The following RB1 variants were observed in gnomAD, a reference collection of about 807,000 sequenced individuals.
RB1 encodes the protein RB transcriptional corepressor 1, also known as retinoblastoma-associated protein.
A neutral mutation model predicts 135.4 loss-of-function variants in RB1; 18 were observed. The ratio of observed to expected loss-of-function variants is 0.13; its 90% CI spans 0.09 to 0.20. The LOEUF (loss-of-function observed/expected upper bound fraction) is 0.20. Ranked by LOEUF, RB1 falls within the 10% of genes least tolerant of loss-of-function variation. The pLI is 1.00. For missense variants in RB1, 868 were observed against 1,110.0 expected (o/e 0.78, Z 3.10); for synonymous variants, 365 against 373.2 (o/e 0.98, Z 0.25).
At position 48,348,986 on chromosome 13, in the gene RB1, G is replaced by A. The variant is rs775061547; in HGVS notation, c.570G>A (p.Val190=). 3 of 1,601,204 alleles carry A rather than the reference G, an allele frequency of 1.9e-6. No individual in the cohort carries two copies. Among genetic ancestry groups the A allele is most frequent in the South Asian group, 1.1e-5 (1 of 90,066 alleles). Reference sequence around the variant, plus strand: ...CTACTGAAATAAATTCTGCATTGGTGCTAAAAGTTTCTTGGATCACATTTT... The same window carrying A: ...CTACTGAAATAAATTCTGCATTGGTACTAAAAGTTTCTTGGATCACATTTT... The part of the protein sequence containing the change: ...SISTEINSAL[V]LKVSWITFLL... The change falls in exon 6 of 27, where the codon GTG becomes GTA. Residue 190 remains valine (V), a synonymous_variant. Coordinates refer to ENST00000267163, the MANE Select transcript of RB1 (RefSeq NM_000321.3).
In RB1 at chr13:48,320,292, C is replaced by A. The variant is rs113687122; in HGVS notation, c.264+12886C>A. The A allele has an allele frequency of 6.3e-4, 768 of 1,228,472 alleles. 1 individual carries two copies. The African/African-American group carries it at 9.9e-3, about 16-fold the overall frequency. 76.1% of individuals were successfully genotyped at this position (1,228,472 alleles called of 1,614,324 possible). A position where few individuals can be genotyped will look rare whatever the true frequency, so the allele number is the denominator to read the frequency against. On this transcript the variant is annotated intron_variant, in intron 2 of 26. Coordinates refer to ENST00000267163, the MANE Select transcript of RB1 (RefSeq NM_000321.3). ...GTGCAGCGCGCTCATCGGTGGTGCCCCGAGCAACCCCGCTGCGCTGCAGCG... is the reference window on the plus strand; with the variant it reads ...GTGCAGCGCGCTCATCGGTGGTGCCACGAGCAACCCCGCTGCGCTGCAGCG...
chr13:48,461,466 C>T (rs198585), intron 20 of RB1, among the ~76,000 whole-genome samples: 152,286 of 152,294 alleles, frequency 1, 76,139 homozygotes, highest in Non-Finnish European at 1. Context: ...ATAATGTTAC[C>T]GTGAACATTC....
At chr13:48,446,593 A>G (rs1396623766) in intron 17 of RB1, among the ~76,000 whole-genome samples, 2 of 152,230 alleles carry the variant, frequency 1.3e-5, no homozygotes, top group Non-Finnish European at 2.9e-5. Flanking sequence ...CTTAGGCAAG[A>G]TGTTTAGACA....
intron 26 of RB1, among the ~76,000 whole-genome samples, chr13:48,478,320 T>A (rs963834590): frequency 1.3e-5 from 2 of 152,190 alleles, no homozygotes; most frequent in African/African-American, 4.8e-5. Flanking sequence ...AAAGTGTAAT[T>A]AAAACTAAAT....
At chr13:48,328,410 G>T (rs746172796) in intron 2 of RB1, 12 of 1,432,346 alleles carry the variant, frequency 8.4e-6, no homozygotes, top group Non-Finnish European at 1.2e-5. Context: ...TCCAAAGTTG[G>T]AGATCTTTGC....
chr13:48,457,133 AGAG>A (rs890768568), intron 19 of RB1, among the ~76,000 whole-genome samples: 42 of 152,282 alleles, frequency 2.8e-4, no homozygotes, highest in Admixed American at 2.2e-3. Flanking sequence ...AGCAAGATGA[AGAG>A]GAGATTTATT....
chr13:48,440,388 T>G (rs905873571), intron 17 of RB1, among the ~76,000 whole-genome samples: 14 of 152,172 alleles, frequency 9.2e-5, no homozygotes, highest in African/African-American at 3.1e-4. Flanking sequence ...ACATCTTTCT[T>G]TTATGTATGA....
intron 17 of RB1, among the ~76,000 whole-genome samples, chr13:48,398,287 C>G (rs886982120): frequency 6.6e-6 from 1 of 151,964 alleles, no homozygotes; most frequent in Admixed American, 6.6e-5. Flanking sequence ...TCACTCTGAC[C>G]CAATATATTC....
chr13:48,452,216 A>T (rs1338475211), intron 17 of RB1, among the ~76,000 whole-genome samples: 2 of 152,074 alleles, frequency 1.3e-5, no homozygotes, highest in South Asian at 2.1e-4. Flanking sequence ...ATAAAATGAG[A>T]TGAGGAATGT....
At chr13:48,465,975 T>G (rs1301091160) in intron 23 of RB1, among the ~76,000 whole-genome samples, 4 of 143,372 alleles carry the variant, frequency 2.8e-5, no homozygotes, top group African/African-American at 5.0e-5. Context: ...GCAGCGAGGC[T>G]GGGGGAGGGG....
chr13:48,361,909 G>C (rs1258216148), intron 7 of RB1, among the ~76,000 whole-genome samples: 1 of 149,894 alleles, frequency 6.7e-6, no homozygotes, highest in Non-Finnish European at 1.5e-5. Flanking sequence ...GGATCTAGAG[G>C]CAATACATAC....
rs1423561253 is a variant in RB1 at position 48,311,249 on chromosome 13, C to G, written c.264+3843C>G. The stretch of plus-strand genomic sequence containing the variant: ...TATATGAAATGTATGATATACATAT[C>G]TCAAAGAGCTTTGGGATATATTGCT... On this transcript the variant is annotated intron_variant, in intron 2 of 26. Coordinates refer to ENST00000267163, the MANE Select transcript of RB1 (RefSeq NM_000321.3). Among the ~76,000 whole-genome samples the G allele has an allele frequency of 4.6e-5, 7 of 152,108 alleles. No homozygotes were observed. In the East Asian group the frequency reaches 1.3e-3, roughly 29 times the overall value.
At chr13:48,465,700 C>T (rs1216309758) in intron 23 of RB1, among the ~76,000 whole-genome samples, 14 of 151,292 alleles carry the variant, frequency 9.3e-5, no homozygotes, top group South Asian at 2.1e-4. Flanking sequence ...AGTGTGTGTG[C>T]GCACCGTGTG....
intron 17 of RB1, among the ~76,000 whole-genome samples, chr13:48,434,008 G>A (rs1016544240): frequency 1.3e-5 from 2 of 151,888 alleles, no homozygotes; most frequent in Non-Finnish European, 2.9e-5. Context: ...ATAGGCATGA[G>A]CCACTGTGCC....
chr13:48,401,738 G>C (rs1008667675), intron 17 of RB1, among the ~76,000 whole-genome samples: 3 of 152,158 alleles, frequency 2.0e-5, no homozygotes, highest in Admixed American at 1.3e-4. Context: ...TTTAGAACAT[G>C]ATAAGGAAAC....
At chr13:48,453,197 G>A in intron 18 of RB1, 86 bp downstream of exon 18, 1 of 1,283,800 alleles carries the variant, frequency 7.8e-7, no homozygotes. Flanking sequence ...TAAAGAAACT[G>A]TAGGGAATAG....
intron 17 of RB1, among the ~76,000 whole-genome samples, chr13:48,417,997 C>T (rs895178308): frequency 2.0e-5 from 3 of 152,190 alleles, no homozygotes; most frequent in Non-Finnish European, 2.9e-5. Flanking sequence ...CCTAGCACGA[C>T]AGGCCAACAT....
In RB1 at chr13:48,330,905, AAT is replaced by A. The variant is rs562322032; in HGVS notation, c.265-11691_265-11690del. On this transcript the variant is annotated intron_variant, in intron 2 of 26. Coordinates refer to ENST00000267163, the MANE Select transcript of RB1 (RefSeq NM_000321.3). ...ACATATGTGCAAAAATTGTCAACAA[AAT>A]ATTAGCAACAGCACATTAAAGGGAT... Among the ~76,000 whole-genome samples, 396 of 152,340 alleles carry A rather than the reference AAT, an allele frequency of 2.6e-3. 1 individual carries two copies. The highest frequency in any genetic ancestry group is 4.4e-3 in the Non-Finnish European group (301 of 68,014).
Position 48,319,046 on chromosome 13 carries a change from A to G in RB1, c.264+11640A>G, listed in dbSNP as rs1952211743. 3.1e-6 allele frequency: 2 copies of G among 635,752 alleles called. No individual in the cohort carries two copies. The highest frequency in any genetic ancestry group is 1.8e-5 in the African/African-American group (1 of 54,912). The allele number at this position is 635,752 out of a possible 1,614,324, so 39.4% of individuals were successfully genotyped here. On this transcript the variant is annotated intron_variant, in intron 2 of 26. Transcript: ENST00000267163. The surrounding 1 kb of genome is among the most constrained non-coding windows in gnomAD (Gnocchi z 5.0). ...GCCCAAGATTGCTTCCGCGCGCGTC[A>G]GTTCAGCGGACGTGTCTGCCTGGCA...
Sources: gnomAD v4.1 joint callset for allele counts (sites outside exome capture counted in the v4.1 genomes callset) on GRCh38, gnomAD v4.1.1 for gene constraint, Gnocchi (gnomAD v3.1) non-coding constraint, MANE v1.5 for transcripts, NCBI Gene and HGNC (gene_info 2026-07-23, HGNC 2026-07-21) for gene names.